The following SAMD5 variants were observed in gnomAD, a reference collection of about 807,000 sequenced individuals.
SAMD5 encodes sterile alpha motif domain containing 5.
A neutral mutation model predicts 11.3 loss-of-function variants in SAMD5; 13 were observed. The ratio of observed to expected loss-of-function variants is 1.15; its 90% CI spans 0.75 to 1.83. The LOEUF is 1.83. Among genes scored for constraint, SAMD5 ranks in the 40% most tolerant of loss-of-function variants. The pLI is 0.00. For missense variants in SAMD5, 255 were observed against 239.1 expected (o/e 1.07, Z -0.44); for synonymous variants, 129 against 111.3 (o/e 1.16, Z -1.00).
chr6:147,682,826 G>T (rs539587792), intron 1 of SAMD5, among the ~76,000 whole-genome samples: 1 of 151,834 alleles, frequency 6.6e-6, no homozygotes, highest in South Asian at 2.1e-4. Flanking sequence ...TGATGTCTTT[G>T]TTTCTTATAT....
At chr6:147,730,293 T>C in intron 1 of SAMD5, 1 of 346,352 alleles carries the variant, frequency 2.9e-6, no homozygotes, top group Non-Finnish European at 5.7e-6. Flanking sequence ...ACTGATGTGT[T>C]GAGGGACTAA....
At chr6:147,903,777 G>T in the SAMD5 span, among the ~76,000 whole-genome samples, 6 of 151,940 alleles carry the variant, frequency 3.9e-5, no homozygotes, top group Non-Finnish European at 8.8e-5. Context: ...GCTTGGTGGC[G>T]CATGCCTGTA....
At chr6:147,516,220 G>C (rs963861487) in intron 1 of SAMD5, among the ~76,000 whole-genome samples, 1 of 152,206 alleles carries the variant, frequency 6.6e-6, no homozygotes, top group South Asian at 2.1e-4. Flanking sequence ...CAAGAGCAAT[G>C]TGCTGAGAAC....
At chr6:147,937,882 A>G in the SAMD5 span, among the ~76,000 whole-genome samples, 1 of 152,198 alleles carries the variant, frequency 6.6e-6, no homozygotes, top group African/African-American at 2.4e-5. Context: ...AAAATCACAC[A>G]CATATATATA....
At chr6:147,860,138 G>A in the SAMD5 span, among the ~76,000 whole-genome samples, 1 of 152,106 alleles carries the variant, frequency 6.6e-6, no homozygotes, top group Non-Finnish European at 1.5e-5. Context: ...CTCCAGGGGA[G>A]GATCCCTTCT....
chr6:147,837,120 T>G, the SAMD5 span, among the ~76,000 whole-genome samples: 1 of 152,136 alleles, frequency 6.6e-6, no homozygotes, highest in Non-Finnish European at 1.5e-5. Flanking sequence ...TCTCGATAAT[T>G]ATTTTCTTGT....
intron 1 of SAMD5, among the ~76,000 whole-genome samples, chr6:147,555,540 G>T (rs1327021358): frequency 6.6e-6 from 1 of 152,008 alleles, no homozygotes; most frequent in African/African-American, 2.4e-5. Context: ...TTTTGATTAG[G>T]CTACCTTGGG....
intron 1 of SAMD5, among the ~76,000 whole-genome samples, chr6:147,553,445 C>A (rs1051845915): frequency 2.0e-5 from 3 of 152,126 alleles, no homozygotes; most frequent in Non-Finnish European, 4.4e-5. Context: ...TCCCTAACCC[C>A]AACTACCAAA....
intron 1 of SAMD5, among the ~76,000 whole-genome samples, chr6:147,652,629 A>C (rs1388780175): frequency 1.3e-5 from 2 of 152,142 alleles, no homozygotes; most frequent in Non-Finnish European, 2.9e-5. Flanking sequence ...CTCATCTCGG[A>C]TCCCTATGTA....
intron 1 of SAMD5, among the ~76,000 whole-genome samples, chr6:147,516,037 A>G (rs1394345147): frequency 6.6e-6 from 1 of 152,156 alleles, no homozygotes; most frequent in Non-Finnish European, 1.5e-5. Flanking sequence ...AGGACACAAA[A>G]TTGAAGGAGG....
chr6:147,726,394 T>G (rs948590001), intron 1 of SAMD5, among the ~76,000 whole-genome samples: 1 of 152,242 alleles, frequency 6.6e-6, no homozygotes, highest in Non-Finnish European at 1.5e-5. Flanking sequence ...ATGATAATCC[T>G]GCAAAAAAGC....
chr6:147,951,416 G>A, the SAMD5 span, among the ~76,000 whole-genome samples: 2 of 151,948 alleles, frequency 1.3e-5, no homozygotes, highest in Non-Finnish European at 2.9e-5. Flanking sequence ...TCCTGGCCTC[G>A]TGATCCACCC....
intron 1 of SAMD5, among the ~76,000 whole-genome samples, chr6:147,553,187 G>A (rs1302717950): frequency 6.6e-6 from 1 of 152,276 alleles, no homozygotes; most frequent in South Asian, 2.1e-4. Context: ...GGACTGCTGT[G>A]GTTCCTATTT....
rs138192960 is a variant in SAMD5, at chr6:147,697,868, G to C, written c.163-39449G>C. ...AAGGTTCATAAGACCAGAAGGGTCAGTTTCTATGTTTAGCTAAAAAAACTA... is the reference window on the plus strand; with the variant it reads ...AAGGTTCATAAGACCAGAAGGGTCACTTTCTATGTTTAGCTAAAAAAACTA... On this transcript the variant is annotated intron_variant, in intron 1 of 1. Coordinates refer to the SAMD5 transcript ENST00000566741. Among the ~76,000 whole-genome samples, 99 of 152,292 alleles carry C rather than the reference G, an allele frequency of 6.5e-4. 2 individuals carry two copies. In the East Asian group the frequency reaches 0.016, roughly 24 times the overall value.
intron 1 of SAMD5, among the ~76,000 whole-genome samples, chr6:147,614,354 A>G (rs9373526): frequency 0.044 from 6,633 of 151,820 alleles, 229 homozygotes; most frequent in Admixed American, 0.092. Flanking sequence ...CTGTAGTCCC[A>G]GCTACCAGGG....
chr6:147,551,089 C>G (rs1168390380), intron 1 of SAMD5, among the ~76,000 whole-genome samples: 1 of 152,176 alleles, frequency 6.6e-6, no homozygotes. Context: ...TAATACCTTG[C>G]TGCCCTTCCA....
Position 147,737,389 on chromosome 6 carries a change from A to C in SAMD5, c.235A>C (p.Ile79Leu), listed in dbSNP as rs1215786764. The change falls in exon 2 of 2, where the codon ATC becomes CTC. Residue 79 changes from isoleucine (I) to leucine (L), a missense_variant. Transcript: ENST00000566741. ...TGGAGCTGTGAATTTAATCATCTCA[A>C]TCCCACGCTATTACAGGATGACTAT... is the stretch of plus-strand genomic sequence containing the variant. 3 of 1,183,736 alleles carry C rather than the reference A, an allele frequency of 2.5e-6. No individual in the cohort carries two copies. In the South Asian group the frequency reaches 3.9e-5, roughly 15 times the overall value. The allele number at this position is 1,183,736 out of a possible 1,614,324, so 73.3% of individuals were successfully genotyped here.
In SAMD5 at chr6:147,569,312, C is replaced by T. The variant is rs1245317314; in HGVS notation, c.*4856C>T. 8.3e-6 allele frequency: 4 copies of T among 479,300 alleles called. No homozygotes were observed. The highest frequency in any genetic ancestry group is 1.1e-5 in the Non-Finnish European group (4 of 369,512). The allele number at this position is 479,300 out of a possible 1,614,324, so 29.7% of individuals were successfully genotyped here. ...ATAATTTTTTAAAATTGTTTAAACT[C>T]CTGGAAATTAAGTGTTATTTTTTAT... On this transcript the variant is annotated 3_prime_UTR_variant, in exon 2 of 2. Coordinates refer to ENST00000367474, the MANE Select transcript of SAMD5 (RefSeq NM_001030060.3).
chr6:147,878,614 T>TGTATATATATATATAC, the SAMD5 span, among the ~76,000 whole-genome samples: 1 of 146,814 alleles, frequency 6.8e-6, no homozygotes, highest in Non-Finnish European at 1.5e-5. Flanking sequence ...TCTATATAGA[T>TGTATATATATATATAC]ATATATGTAT....
Sources: gnomAD v4.1 joint callset for allele counts (sites outside exome capture counted in the v4.1 genomes callset) on GRCh38, gnomAD v4.1.1 for gene constraint, MANE v1.5 for transcripts, NCBI Gene and HGNC (gene_info 2026-07-23, HGNC 2026-07-21) for gene names.